The following CAST variants were observed in gnomAD, a reference collection of about 807,000 sequenced individuals.
CAST encodes MIR583 host.
Under a neutral mutation model 119.6 loss-of-function variants are expected in CAST, and 76 were observed. The ratio of observed to expected loss-of-function variants is 0.64; its 90% CI spans 0.53 to 0.77. The LOEUF is 0.77. CAST is among the 30% of genes least tolerant of loss of function. CAST has a pLI of 0.00. For missense variants in CAST, 953 were observed against 946.5 expected (o/e 1.01, Z -0.09); for synonymous variants, 319 against 331.6 (o/e 0.96, Z 0.41).
At chr5:96,463,260 T>A in the CAST span, among the ~76,000 whole-genome samples, 1 of 152,130 alleles carries the variant, frequency 6.6e-6, no homozygotes, top group African/African-American at 2.4e-5. Flanking sequence ...CTCTCTTGTG[T>A]AATACATTGA....
At chr5:96,511,663 C>T in the CAST span, among the ~76,000 whole-genome samples, 12 of 152,318 alleles carry the variant, frequency 7.9e-5, no homozygotes, top group Admixed American at 7.2e-4. Flanking sequence ...ATCCTTCAAG[C>T]ACCTTTCTTA....
At chr5:96,742,839 G>A (rs754810922) in intron 16 of CAST, 83 bp downstream of exon 16, 63 of 953,284 alleles carry the variant, frequency 6.6e-5, no homozygotes, top group Middle Eastern at 2.1e-4. Context: ...TAGAATTCTC[G>A]CACAACTTTT....
chr5:96,195,446 G>T, the CAST span, among the ~76,000 whole-genome samples: 1 of 152,302 alleles, frequency 6.6e-6, no homozygotes, highest in South Asian at 2.1e-4. Context: ...ATTCTGTTAA[G>T]TTGTCTGTAG....
chr5:96,610,162 C>T (rs1747332710), intron 1 of CAST, among the ~76,000 whole-genome samples: 1 of 152,234 alleles, frequency 6.6e-6, no homozygotes, highest in Non-Finnish European at 1.5e-5. Flanking sequence ...CGTGCACATG[C>T]TCTTGCCTGC....
chr5:96,214,018 T>C, the CAST span, among the ~76,000 whole-genome samples: 1 of 152,172 alleles, frequency 6.6e-6, no homozygotes, highest in Admixed American at 6.5e-5. Context: ...ATAGCAAATC[T>C]TGAAGATCTT....
At chr5:96,332,103 G>C in the CAST span, among the ~76,000 whole-genome samples, 1 of 152,124 alleles carries the variant, frequency 6.6e-6, no homozygotes, top group African/African-American at 2.4e-5. Context: ...TTGTAAAAGA[G>C]GAAAATCAAA....
intron 19 of CAST, among the ~76,000 whole-genome samples, chr5:96,750,258 T>C (rs973551417): frequency 6.6e-6 from 1 of 152,242 alleles, no homozygotes; most frequent in Non-Finnish European, 1.5e-5. Flanking sequence ...GTACTATGCA[T>C]AGCACTTTGC....
chr5:96,245,466 T>C, the CAST span, among the ~76,000 whole-genome samples: 1 of 152,212 alleles, frequency 6.6e-6, no homozygotes, highest in Non-Finnish European at 1.5e-5. Flanking sequence ...TTTTATCTTT[T>C]TCCTTCCCTT....
intron 2 of CAST, 137 bp downstream of exon 2, chr5:96,675,738 G>A (rs1750626746): frequency 1.6e-6 from 1 of 616,492 alleles, no homozygotes; most frequent in Non-Finnish European, 2.8e-6. Flanking sequence ...CCAAGATTTG[G>A]TTCAAGAATA....
chr5:96,424,998 AGAAAGAAAGAAAAGAAAGAAAGAAAG>A, the CAST span, among the ~76,000 whole-genome samples: 1 of 124,678 alleles, frequency 8.0e-6, no homozygotes, highest in Non-Finnish European at 1.6e-5. Flanking sequence ...AGAAAGAAAG[AGAAAGAAAGAAAAGAAAGAAAGAAAG>A]AAAGAAAGAA....
At chr5:96,117,368 C>T in the CAST span, among the ~76,000 whole-genome samples, 2 of 152,172 alleles carry the variant, frequency 1.3e-5, no homozygotes, top group African/African-American at 2.4e-5. Context: ...TACCACATAG[C>T]TCATCACATA....
At chr5:96,237,340 T>C in the CAST span, among the ~76,000 whole-genome samples, 1 of 152,226 alleles carries the variant, frequency 6.6e-6, no homozygotes, top group African/African-American at 2.4e-5. Context: ...ATTTTGCTTA[T>C]ATAAGTCTTA....
the CAST span, among the ~76,000 whole-genome samples, chr5:96,409,195 G>A: frequency 6.6e-6 from 1 of 152,198 alleles, no homozygotes; most frequent in Non-Finnish European, 1.5e-5. Flanking sequence ...CCACGGCGCT[G>A]CTGGTTGGGC....
At chr5:96,362,999 A>C in the CAST span, among the ~76,000 whole-genome samples, 44 of 151,384 alleles carry the variant, frequency 2.9e-4, no homozygotes, top group East Asian at 3.5e-3. Flanking sequence ...TCCATATTGA[A>C]TTAATTTTTG....
At chr5:96,522,021 C>T (rs542548936), upstream of CAST, among the ~76,000 whole-genome samples, 44 of 152,054 alleles carry the variant, frequency 2.9e-4, no homozygotes, top group South Asian at 8.5e-3. Flanking sequence ...GAGGCTCAGG[C>T]AGGAGAATGG....
chr5:96,654,456 G>A (rs1748131801), intron 1 of CAST, among the ~76,000 whole-genome samples: 1 of 152,092 alleles, frequency 6.6e-6, no homozygotes, highest in African/African-American at 2.4e-5. Flanking sequence ...AACCTCACGT[G>A]TAGTGTGCAT....
chr5:96,197,469 C>A, the CAST span, among the ~76,000 whole-genome samples: 4 of 152,044 alleles, frequency 2.6e-5, no homozygotes, highest in Admixed American at 6.6e-5. Context: ...GTTATTTTAC[C>A]CAAGGAAGGG....
the CAST span, among the ~76,000 whole-genome samples, chr5:96,087,472 C>A: frequency 6.6e-6 from 1 of 151,948 alleles, no homozygotes; most frequent in Admixed American, 6.6e-5. Flanking sequence ...TTTCCCTATA[C>A]CAGAAGTGCA....
At chr5:96,172,242 T>C in the CAST span, among the ~76,000 whole-genome samples, 5 of 152,220 alleles carry the variant, frequency 3.3e-5, no homozygotes, top group Non-Finnish European at 7.3e-5. Context: ...CAAGGTAATG[T>C]CATCAGTTAA....
Sources: gnomAD v4.1 joint callset for allele counts (sites outside exome capture counted in the v4.1 genomes callset) on GRCh38, gnomAD v4.1.1 for gene constraint, MANE v1.5 for transcripts, NCBI Gene and HGNC (gene_info 2026-07-23, HGNC 2026-07-21) for gene names.